The following WDFY3 variants were observed in gnomAD, a reference collection of about 807,000 sequenced individuals.
WDFY3 encodes the protein WD repeat and FYVE domain containing 3.
Under a neutral mutation model 409.6 loss-of-function variants are expected in WDFY3, and 66 were observed. The ratio of observed to expected loss-of-function variants is 0.16; its 90% CI spans 0.13 to 0.20. The LOEUF (loss-of-function observed/expected upper bound fraction) is 0.20. Among genes scored for constraint, WDFY3 ranks in the 10% least tolerant of loss-of-function variants. The probability of loss-of-function intolerance (pLI) is 1.00; values close to 1 mark genes in which losing one functional copy is unlikely to be tolerated. For synonymous variants in WDFY3, 1,521 were observed against 1,537.1 expected, an observed-to-expected ratio of 0.99 and a Z score of 0.25; for missense variants, 3,031 against 4,298.1, an observed-to-expected ratio of 0.71 and a Z score of 8.24.
chr4:84,788,340 A>G (rs1747895104), intron 22 of WDFY3, among the ~76,000 whole-genome samples: 1 of 152,180 alleles, frequency 6.6e-6, no homozygotes, highest in Non-Finnish European at 1.5e-5. Context: ...TTAATAGCAC[A>G]ATTGTGAAGA....
intron 15 of WDFY3, among the ~76,000 whole-genome samples, chr4:84,805,968 C>T (rs186362151): frequency 1.9e-3 from 286 of 152,226 alleles, no homozygotes; most frequent in East Asian, 6.6e-3. Flanking sequence ...AGTTCATTTT[C>T]CCCCAATCCT....
chr4:84,778,480 A>G, intron 27 of WDFY3, 23 bp downstream of exon 27: 1 of 1,538,734 alleles, frequency 6.5e-7, no homozygotes, highest in Non-Finnish European at 8.7e-7. Context: ...ATTATATATT[A>G]TCAATTATGC....
chr4:84,865,675 C>T (rs12501525), intron 3 of WDFY3, among the ~76,000 whole-genome samples: 48,074 of 152,126 alleles, frequency 0.32, 7,851 homozygotes, highest in East Asian at 0.44. Flanking sequence ...TTGTTCTTTT[C>T]CAAGTTGAGC....
chr4:84,953,696 T>C (rs945342819), intron 1 of WDFY3, among the ~76,000 whole-genome samples: 1 of 152,144 alleles, frequency 6.6e-6, no homozygotes. Context: ...TCTTACATTA[T>C]CCCTAATCCT....
intron 2 of WDFY3, among the ~76,000 whole-genome samples, chr4:84,904,389 A>G (rs535434632): frequency 1.4e-5 from 2 of 141,416 alleles, no homozygotes; most frequent in Non-Finnish European, 3.2e-5. Context: ...ATCTAAAAAA[A>G]AGAAGAAGAA....
chr4:84,860,470 T>C lies in WDFY3; in HGVS notation c.122A>G (p.His41Arg). The C allele has an allele frequency of 6.2e-7, 1 of 1,614,208 alleles. No individual in the cohort carries two copies. The highest frequency in any genetic ancestry group is 8.5e-7 in the Non-Finnish European group (1 of 1,180,018). The change falls in exon 4 of 68, where the codon CAC (histidine) becomes CGC (arginine). Residue 41 changes from histidine (H) to arginine (R), a missense_variant. Transcript: ENST00000295888. ...LFTELCHPPR[H>R]MTQKEQEEKL... ...CTCTTCTTGTTCCTTCTGAGTCATG[T>C]GCCGGGGAGGATGGCACAACTCCGT...
At chr4:84,799,405 C>G (rs1311338631) in intron 17 of WDFY3, among the ~76,000 whole-genome samples, 1 of 151,194 alleles carries the variant, frequency 6.6e-6, no homozygotes, top group Non-Finnish European at 1.5e-5. Context: ...CTGCTGACCT[C>G]AAGTAATCCT....
intron 1 of WDFY3, among the ~76,000 whole-genome samples, chr4:84,965,363 A>G (rs552465463): frequency 4.9e-4 from 75 of 152,364 alleles, no homozygotes; most frequent in African/African-American, 1.7e-3. Flanking sequence ...GAAAACACTT[A>G]ACCATTTTTA....
chr4:84,737,255 C>T lies in WDFY3; in HGVS notation c.6686G>A (p.Gly2229Asp). 6.2e-7 allele frequency: 1 copy of T among 1,614,048 alleles called. No individual in the cohort carries two copies. Among genetic ancestry groups the T allele is most frequent in the Non-Finnish European group, 8.5e-7 (1 of 1,180,008 alleles). Residue 2229 changes from glycine to aspartate, a missense_variant, in exon 41 of 68, where the codon GGC becomes GAC. Physicochemically the swap from Gly to Asp is moderately conservative, Grantham distance 94. This residue lies in a region of WDFY3 where 314 missense variants were observed against 397.4 expected (regional missense o/e 0.79). Coordinates refer to ENST00000295888, the MANE Select transcript of WDFY3 (RefSeq NM_014991.6). The part of the protein sequence containing the change: ...FKVTLPVNER[G>D]HVDIATARPL... ...CCTTGCTGTAGCTATGTCCACGTGG[C>T]CCCTTTCATTCACAGGTAGAGTTAC...
intron 67 of WDFY3, among the ~76,000 whole-genome samples, chr4:84,676,665 C>T (rs960277807): frequency 4.6e-5 from 7 of 150,652 alleles, no homozygotes; most frequent in South Asian, 4.2e-4. Context: ...TTAAAATAAC[C>T]GACAGTAGTT....
intron 2 of WDFY3, among the ~76,000 whole-genome samples, chr4:84,918,765 T>C (rs894009983): frequency 1.5e-4 from 23 of 151,540 alleles, no homozygotes; most frequent in African/African-American, 5.3e-4. Flanking sequence ...TGTATATCCA[T>C]GTTATATGGG....
At chr4:84,906,345 T>C (rs1767042267) in intron 2 of WDFY3, among the ~76,000 whole-genome samples, 1 of 152,204 alleles carries the variant, frequency 6.6e-6, no homozygotes, top group Non-Finnish European at 1.5e-5. Flanking sequence ...ATTCATTTTA[T>C]AGGCAATATA....
intron 1 of WDFY3, among the ~76,000 whole-genome samples, chr4:84,963,517 CA>C (rs1775205621): frequency 6.6e-6 from 1 of 151,910 alleles, no homozygotes; most frequent in East Asian, 1.9e-4. Context: ...ATGATCCTGC[CA>C]AAGATGCTGT....
At chr4:84,878,215 G>C (rs959673962) in intron 3 of WDFY3, among the ~76,000 whole-genome samples, 3 of 152,050 alleles carry the variant, frequency 2.0e-5, no homozygotes, top group African/African-American at 7.2e-5. Flanking sequence ...ATGACAAAAG[G>C]CAATAAGCCA....
intron 2 of WDFY3, among the ~76,000 whole-genome samples, chr4:84,904,667 T>C (rs1766790386): frequency 6.6e-6 from 1 of 152,226 alleles, no homozygotes; most frequent in Non-Finnish European, 1.5e-5. Flanking sequence ...AAGCAAAATG[T>C]GGCCCATGCA....
At position 84,801,643 on chromosome 4, in the gene WDFY3, A is replaced by G. The variant is rs1417438046; in HGVS notation, c.2822+7T>C. Reference sequence around the variant, plus strand: ...TGTGGACTATTTGAGTATGAAAGAGAACTTACCTCAACACCATGGGTTCCA... The same window carrying G: ...TGTGGACTATTTGAGTATGAAAGAGGACTTACCTCAACACCATGGGTTCCA... On this transcript the variant is annotated splice_region_variant and intron_variant, in intron 17 of 67. Transcript: ENST00000295888. The G allele has an allele frequency of 6.2e-7, 1 of 1,603,216 alleles. No homozygotes were observed. Among genetic ancestry groups the G allele is most frequent in the Admixed American group, 1.7e-5 (1 of 59,470 alleles).
At position 84,860,602 on chromosome 4, in the gene WDFY3, T is replaced by TG. The variant is rs1238478099; in HGVS notation, c.-12dup. On this transcript the variant is annotated 5_prime_UTR_variant, in exon 4 of 68. Transcript: ENST00000295888. ...CTTCACCATGTTCATCTTGGCTGGT[T>TG]GGTGAGACGCACTTCTAATTCTGTA... 6.3e-7 allele frequency: 1 copy of TG among 1,593,190 alleles called. No homozygotes were observed. Among genetic ancestry groups the TG allele is most frequent in the Non-Finnish European group, 8.6e-7 (1 of 1,165,914 alleles).
intron 3 of WDFY3, among the ~76,000 whole-genome samples, chr4:84,885,410 CACTT>C (rs772944511): frequency 2.0e-5 from 3 of 151,006 alleles, no homozygotes. Flanking sequence ...AATTCAAAAT[CACTT>C]ACCGTATATA....
intron 2 of WDFY3, among the ~76,000 whole-genome samples, chr4:84,914,328 G>A (rs192186995): frequency 0.011 from 1,666 of 152,250 alleles, 27 homozygotes; most frequent in African/African-American, 0.039. Context: ...AGCTGAGGCA[G>A]GAGAATCGCT....
Sources: gnomAD v4.1 joint callset for allele counts (sites outside exome capture counted in the v4.1 genomes callset) on GRCh38, gnomAD v4.1.1 for gene constraint, gnomAD v4.1.1 regional missense constraint, MANE v1.5 for transcripts, NCBI Gene and HGNC (gene_info 2026-07-23, HGNC 2026-07-21) for gene names.